SPAG16: variants seen among roughly 807,000 people sequenced by gnomAD.
SPAG16 encodes sperm-associated antigen 16 protein.
SPAG16 carries 86 observed loss-of-function variants against 80.4 expected under a neutral mutation model. The observed-to-expected ratio is 1.07, with a 90% confidence interval of 0.90 to 1.28. SPAG16 has a LOEUF of 1.28. Ranked by LOEUF, SPAG16 falls within the 50% of genes most tolerant of loss-of-function variation. The pLI is 0.00. For synonymous variants in SPAG16, 294 were observed against 265.9 expected, an observed-to-expected ratio of 1.11 and a Z score of -1.03; for missense variants, 870 against 765.3, an observed-to-expected ratio of 1.14 and a Z score of -1.61.
intron 11 of SPAG16, among the ~76,000 whole-genome samples, chr2:213,869,188 G>A (rs2075831426): frequency 6.7e-6 from 1 of 148,758 alleles, no homozygotes; most frequent in African/African-American, 2.5e-5. Flanking sequence ...GGGAGGCGGA[G>A]GTTGCAGTGA....
chr2:213,452,212 C>A (rs2071740642), intron 9 of SPAG16, among the ~76,000 whole-genome samples: 1 of 152,088 alleles, frequency 6.6e-6, no homozygotes, highest in Non-Finnish European at 1.5e-5. Context: ...AGAATGGGAG[C>A]AATTTCTGAG....
intron 10 of SPAG16, among the ~76,000 whole-genome samples, chr2:213,859,136 A>G (rs1043500965): frequency 2.3e-5 from 3 of 130,168 alleles, no homozygotes; most frequent in African/African-American, 8.5e-5. Context: ...CCGAGATCAC[A>G]CCACTGCTCT....
At chr2:213,996,629 C>T (rs896714061) in intron 12 of SPAG16, among the ~76,000 whole-genome samples, 3 of 139,562 alleles carry the variant, frequency 2.1e-5, no homozygotes, top group Admixed American at 7.7e-5. Context: ...AGTGCAATGG[C>T]GCGATCTCTG....
At chr2:214,400,945 A>G (rs1019926566) in intron 15 of SPAG16, among the ~76,000 whole-genome samples, 18 of 152,046 alleles carry the variant, frequency 1.2e-4, no homozygotes, top group African/African-American at 2.4e-5. Context: ...TTTGCTCACA[A>G]AAGAAAAGTT....
At chr2:213,883,230 AC>A (rs1559550607) in intron 11 of SPAG16, among the ~76,000 whole-genome samples, 1 of 151,966 alleles carries the variant, frequency 6.6e-6, no homozygotes, top group African/African-American at 2.4e-5. Flanking sequence ...TAATTTCAAT[AC>A]TTTTTTATTT....
chr2:213,342,651 T>C (rs960810270), intron 6 of SPAG16, among the ~76,000 whole-genome samples: 2 of 151,992 alleles, frequency 1.3e-5, no homozygotes, highest in Non-Finnish European at 2.9e-5. Flanking sequence ...AATATTATTC[T>C]TTTGGAGGAC....
At chr2:213,841,442 A>G (rs542461429) in intron 10 of SPAG16, among the ~76,000 whole-genome samples, 35 of 152,272 alleles carry the variant, frequency 2.3e-4, no homozygotes, top group Admixed American at 2.0e-3. Context: ...TTCCAGAAAA[A>G]TTCTCTAACT....
chr2:213,638,763 G>A (rs1481830977), intron 10 of SPAG16, among the ~76,000 whole-genome samples: 2 of 152,084 alleles, frequency 1.3e-5, no homozygotes, highest in Non-Finnish European at 2.9e-5. Flanking sequence ...AAGCCCATTT[G>A]TTCTAGGGTA....
chr2:214,058,686 A>C (rs989211441), intron 13 of SPAG16, among the ~76,000 whole-genome samples: 24 of 152,144 alleles, frequency 1.6e-4, no homozygotes, highest in African/African-American at 5.8e-4. Context: ...TCAATAAAGC[A>C]AAGTACAATA....
At chr2:214,167,148 A>G (rs2056688408) in intron 15 of SPAG16, among the ~76,000 whole-genome samples, 1 of 152,178 alleles carries the variant, frequency 6.6e-6, no homozygotes, top group South Asian at 2.1e-4. Flanking sequence ...CTCTACTGTC[A>G]GGGTTAAAAC....
intron 15 of SPAG16, among the ~76,000 whole-genome samples, chr2:214,330,069 C>A (rs565359375): frequency 1.3e-5 from 2 of 150,646 alleles, no homozygotes; most frequent in South Asian, 4.2e-4. Context: ...GAGTTCAAGA[C>A]CAACCTGGCC....
intron 9 of SPAG16, among the ~76,000 whole-genome samples, chr2:213,378,036 G>A (rs893508387): frequency 2.0e-5 from 3 of 152,074 alleles, no homozygotes; most frequent in African/African-American, 4.8e-5. Flanking sequence ...GAGCCAGTCC[G>A]AGTCCCAAAA....
At chr2:213,462,044 A>G (rs953350531) in intron 9 of SPAG16, among the ~76,000 whole-genome samples, 6 of 152,238 alleles carry the variant, frequency 3.9e-5, no homozygotes, top group Non-Finnish European at 8.8e-5. Flanking sequence ...AAAAAATGTT[A>G]AAAACATTGT....
At chr2:214,310,009 A>G (rs1411017144) in intron 15 of SPAG16, among the ~76,000 whole-genome samples, 1 of 151,868 alleles carries the variant, frequency 6.6e-6, no homozygotes, top group Non-Finnish European at 1.5e-5. Context: ...TATATTTCTA[A>G]TTTTTTATCT....
chr2:214,282,697 T>C (rs574087598), intron 15 of SPAG16, among the ~76,000 whole-genome samples: 38 of 152,152 alleles, frequency 2.5e-4, no homozygotes, highest in Non-Finnish European at 5.0e-4. Flanking sequence ...CACAGAAACC[T>C]TTGTAATATA....
rs546545504 is a variant in SPAG16 at position 213,869,007 on chromosome 2, T to G, written c.1214+6379T>G. 2.0e-5 allele frequency among the ~76,000 whole-genome samples: 3 copies of G among 151,918 alleles called. No homozygotes were observed. The East Asian group carries it at 5.8e-4, about 29-fold the overall frequency. On this transcript the variant is annotated intron_variant, in intron 11 of 15. Coordinates refer to ENST00000331683, the MANE Select transcript of SPAG16 (RefSeq NM_024532.5). ...TGGCTCACACCTGTAATCCCAGCAC[T>G]TTGGGAGGCTGAGGCAGGCGGATCA...
At chr2:213,582,725 T>G (rs1254968954) in intron 10 of SPAG16, among the ~76,000 whole-genome samples, 1 of 152,184 alleles carries the variant, frequency 6.6e-6, no homozygotes, top group Admixed American at 6.6e-5. Flanking sequence ...ATTACTTTTT[T>G]CAGTGGAAGA....
At chr2:213,932,770 A>G (rs543885266) in intron 12 of SPAG16, among the ~76,000 whole-genome samples, 1 of 152,290 alleles carries the variant, frequency 6.6e-6, no homozygotes, top group East Asian at 1.9e-4. Context: ...AAAATTTCAG[A>G]TCAAGATTCA....
chr2:213,757,987 C>T (rs2068435538), intron 10 of SPAG16: 6 of 152,130 alleles, frequency 3.9e-5, no homozygotes, highest in Admixed American at 3.9e-4. Context: ...TGTTTTTCCC[C>T]CTTTGACAGC....
Sources: allele counts gnomAD v4.1 joint callset (sites outside exome capture counted in the v4.1 genomes callset), GRCh38; gene constraint gnomAD v4.1.1; transcripts MANE v1.5; gene names NCBI Gene and HGNC (gene_info 2026-07-23, HGNC 2026-07-21).